The following VWC2L variants were observed in gnomAD, a reference collection of about 807,000 sequenced individuals.
The protein encoded by VWC2L is von Willebrand factor C domain-containing protein 2-like.
Under a neutral mutation model 21.6 loss-of-function variants are expected in VWC2L, and 10 were observed. The observed-to-expected ratio is 0.46, with a 90% CI of 0.29 to 0.78. The LOEUF is 0.78. Among genes scored for constraint, VWC2L ranks in the 30% least tolerant of loss-of-function variants. The pLI is 0.10. For missense variants in VWC2L, 209 were observed against 277.1 expected, an observed-to-expected ratio of 0.75 and a Z score of 1.74; for synonymous variants, 96 against 94.3, an observed-to-expected ratio of 1.02 and a Z score of -0.10.
At chr2:214,482,390 T>C (rs948239640) in intron 3 of VWC2L, among the ~76,000 whole-genome samples, 4 of 152,044 alleles carry the variant, frequency 2.6e-5, no homozygotes, top group African/African-American at 9.7e-5. Context: ...ATCCTTTCCA[T>C]TACTGACCCC....
In VWC2L at chr2:214,470,308, A is replaced by G. The variant is rs76787050; in HGVS notation, c.520+33550A>G. On this transcript the variant is annotated intron_variant, in intron 3 of 3. Coordinates refer to ENST00000312504, the MANE Select transcript of VWC2L (RefSeq NM_001080500.4). ...AAATAGGAAAAATTAGAACTAGAAC[A>G]CAACTCTCCTCATTCTCGGGGTCCC... is the stretch of plus-strand genomic sequence containing the variant. Among the ~76,000 whole-genome samples the G allele has an allele frequency of 8.3e-3, 1,259 of 152,040 alleles. 15 individuals are homozygous for G. The highest frequency in any genetic ancestry group is 0.029 in the African/African-American group (1,195 of 41,488).
At chr2:214,483,317 T>C (rs1255160461) in intron 3 of VWC2L, among the ~76,000 whole-genome samples, 1 of 152,000 alleles carries the variant, frequency 6.6e-6, no homozygotes, top group Non-Finnish European at 1.5e-5. Flanking sequence ...TAAGCCATAA[T>C]ACAATAATCT....
At chr2:214,527,066 C>T (rs1689351389) in intron 3 of VWC2L, among the ~76,000 whole-genome samples, 1 of 152,050 alleles carries the variant, frequency 6.6e-6, no homozygotes, top group African/African-American at 2.4e-5. Context: ...ACTACACAGC[C>T]ATAAAAAAGA....
At chr2:214,458,721 T>C (rs1251627532) in intron 3 of VWC2L, among the ~76,000 whole-genome samples, 2 of 152,172 alleles carry the variant, frequency 1.3e-5, no homozygotes, top group African/African-American at 2.4e-5. Flanking sequence ...TTGATGTATT[T>C]GTACAGTTTC....
chr2:214,477,997 T>C (rs1223505193), intron 3 of VWC2L, among the ~76,000 whole-genome samples: 2 of 152,202 alleles, frequency 1.3e-5, no homozygotes, highest in African/African-American at 2.4e-5. Flanking sequence ...AGCTCTTAGA[T>C]GAAAACTCAG....
intron 3 of VWC2L, among the ~76,000 whole-genome samples, chr2:214,470,058 A>T (rs374431119): frequency 6.6e-6 from 1 of 152,250 alleles, no homozygotes; most frequent in East Asian, 1.9e-4. Flanking sequence ...TATTACATGT[A>T]AGTCCTCAGA....
intron 3 of VWC2L, among the ~76,000 whole-genome samples, chr2:214,506,190 A>G (rs1015330608): frequency 1.6e-4 from 25 of 152,212 alleles, no homozygotes; most frequent in African/African-American, 5.8e-4. Context: ...TCCACTTTAA[A>G]GATATATACT....
chr2:214,502,033 TTAAA>T (rs1201826751), intron 3 of VWC2L, among the ~76,000 whole-genome samples: 1 of 152,218 alleles, frequency 6.6e-6, no homozygotes, highest in African/African-American at 2.4e-5. Context: ...ATGATTATGA[TTAAA>T]TAAATGTCAT....
At chr2:214,417,323 A>C (rs1405208829) in intron 2 of VWC2L, among the ~76,000 whole-genome samples, 1 of 151,764 alleles carries the variant, frequency 6.6e-6, no homozygotes, top group African/African-American at 2.4e-5. Flanking sequence ...CACAAGAAAG[A>C]CATGATCGAT....
At chr2:214,455,999 C>T (rs147184805) in intron 3 of VWC2L, among the ~76,000 whole-genome samples, 12 of 152,196 alleles carry the variant, frequency 7.9e-5, no homozygotes, top group Middle Eastern at 3.4e-3. Context: ...ACAGTAAACA[C>T]GGCAATGATG....
At position 214,414,471 on chromosome 2, in the gene VWC2L, TTCA is replaced by T; in HGVS notation, c.279_281del (p.His94del). On this transcript the variant is annotated inframe_deletion, in exon 2 of 4. Transcript: ENST00000312504. The stretch of plus-strand genomic sequence containing the variant: ...TGCGACCAACCAGAATGCCCTAAAA[TTCA>T]CCCAAAGTGTACTAAAGTGGAACAC... 1.2e-6 allele frequency: 2 copies of T among 1,613,536 alleles called. No homozygotes were observed.
intron 3 of VWC2L, among the ~76,000 whole-genome samples, chr2:214,494,959 TG>T (rs1384244435): frequency 2.0e-5 from 3 of 152,166 alleles, no homozygotes; most frequent in Non-Finnish European, 4.4e-5. Context: ...CTAAGGTCTT[TG>T]CATTACTTTG....
intron 3 of VWC2L, among the ~76,000 whole-genome samples, chr2:214,574,792 TAAC>T (rs1038369991): frequency 6.6e-6 from 1 of 151,906 alleles, no homozygotes; most frequent in African/African-American, 2.4e-5. Context: ...ACTATAGTAA[TAAC>T]AACTAACACT....
intron 2 of VWC2L, among the ~76,000 whole-genome samples, chr2:214,430,586 C>T (rs1427463156): frequency 6.6e-6 from 1 of 151,962 alleles, no homozygotes; most frequent in South Asian, 2.1e-4. Flanking sequence ...TTATTACCTA[C>T]CTAGTTTATT....
At chr2:214,453,230 TTTGAG>T (rs1251558605) in intron 3 of VWC2L, among the ~76,000 whole-genome samples, 2 of 152,202 alleles carry the variant, frequency 1.3e-5, no homozygotes, top group African/African-American at 4.8e-5. Flanking sequence ...CATGATTCAT[TTTGAG>T]TTAATTTGTG....
At chr2:214,513,560 G>A (rs185416679) in intron 3 of VWC2L, among the ~76,000 whole-genome samples, 5 of 152,184 alleles carry the variant, frequency 3.3e-5, no homozygotes, top group African/African-American at 1.2e-4. Flanking sequence ...TTAGAACTGT[G>A]ACATGAATGG....
chr2:214,491,202 C>T (rs1235168628), intron 3 of VWC2L, among the ~76,000 whole-genome samples: 1 of 152,000 alleles, frequency 6.6e-6, no homozygotes, highest in Non-Finnish European at 1.5e-5. Context: ...AAAAATTAGC[C>T]CATTGCATGG....
At chr2:214,538,628 A>G (rs1390095511) in intron 3 of VWC2L, among the ~76,000 whole-genome samples, 1 of 148,808 alleles carries the variant, frequency 6.7e-6, no homozygotes, top group East Asian at 2.0e-4. Context: ...TGTTTAGTAT[A>G]TATTATTTAG....
At position 214,491,644 on chromosome 2, in the gene VWC2L, C is replaced by T. The variant is rs75030615; in HGVS notation, c.520+54886C>T. ...TTCCCCAGAATCAGAGATTTCCCTTCGTGCCCTGAGTCCTTTCACTCAATT... is the reference window on the plus strand; with the variant it reads ...TTCCCCAGAATCAGAGATTTCCCTTTGTGCCCTGAGTCCTTTCACTCAATT... On this transcript the variant is annotated intron_variant, in intron 3 of 3. Coordinates refer to ENST00000312504, the MANE Select transcript of VWC2L (RefSeq NM_001080500.4). 5.6e-3 allele frequency among the ~76,000 whole-genome samples: 849 copies of T among 152,208 alleles called. 12 individuals are homozygous for T. Among genetic ancestry groups the T allele is most frequent in the African/African-American group, 0.019 (785 of 41,510 alleles).
Sources: allele counts gnomAD v4.1 joint callset (sites outside exome capture counted in the v4.1 genomes callset), GRCh38; gene constraint gnomAD v4.1.1; transcripts MANE v1.5; gene names NCBI Gene and HGNC (gene_info 2026-07-23, HGNC 2026-07-21).